Variants in CLVS1 observed in about 807,000 individuals in gnomAD.
CLVS1 encodes clavesin-1.
In CLVS1, 10 loss-of-function variants were observed where a neutral mutation model predicts 33.1. That is an observed-to-expected ratio of 0.30 (90% CI 0.19 to 0.51). CLVS1 has a LOEUF of 0.51. Among genes scored for constraint, CLVS1 ranks in the 20% least tolerant of loss-of-function variants. The probability of loss-of-function intolerance (pLI) is 0.97; values close to 1 mark genes in which losing one functional copy is unlikely to be tolerated. For missense variants in CLVS1, 343 were observed against 433.4 expected, an observed-to-expected ratio of 0.79 and a Z score of 1.85; for synonymous variants, 163 against 166.1, an observed-to-expected ratio of 0.98 and a Z score of 0.14.
chr8:60,971,766 C>T, the CLVS1 span, among the ~76,000 whole-genome samples: 1 of 152,108 alleles, frequency 6.6e-6, no homozygotes, highest in African/African-American at 2.4e-5. Context: ...AGGGTAATAC[C>T]TTGGCTGCCA....
intron 2 of CLVS1, among the ~76,000 whole-genome samples, chr8:61,311,963 A>G (rs149588707): frequency 2.0e-5 from 3 of 152,344 alleles, no homozygotes; most frequent in East Asian, 1.9e-4. Context: ...TAAAAACACA[A>G]TGTTGCCTGT....
chr8:61,014,762 CA>C, the CLVS1 span, among the ~76,000 whole-genome samples: 1 of 152,200 alleles, frequency 6.6e-6, no homozygotes, highest in South Asian at 2.1e-4. Flanking sequence ...TATTTGATTG[CA>C]AAGGTCACTT....
rs548626195 is a variant in CLVS1, at chr8:61,153,518, C to T, written c.-152+21658C>T. Among the ~76,000 whole-genome samples the T allele has an allele frequency of 2.1e-4, 32 of 152,276 alleles. No homozygotes were observed. In the South Asian group the frequency reaches 6.4e-3, roughly 31 times the overall value. On this transcript the variant is annotated intron_variant, in intron 2 of 2. Coordinates refer to the CLVS1 transcript ENST00000522621. The stretch of plus-strand genomic sequence containing the variant: ...GGTGTGAAGAAAATAAGAAGTGCTG[C>T]TTTGTTTTGTTTTTGGCATCTGGCA...
intron 5 of CLVS1, among the ~76,000 whole-genome samples, chr8:61,495,195 ATTCCT>A (rs1003793759): frequency 9.9e-5 from 15 of 152,140 alleles, no homozygotes; most frequent in African/African-American, 3.4e-4. Flanking sequence ...TTTTTTCTTC[ATTCCT>A]TTCCTTTCAT....
At chr8:61,269,194 A>T in intron 2 of CLVS1, among the ~76,000 whole-genome samples, 1 of 151,196 alleles carries the variant, frequency 6.6e-6, no homozygotes, top group African/African-American at 2.4e-5. Flanking sequence ...TGATTTTTGT[A>T]TAAGGTGTAA....
chr8:61,244,693 T>C (rs1045788187), intron 2 of CLVS1, among the ~76,000 whole-genome samples: 1 of 152,216 alleles, frequency 6.6e-6, no homozygotes, highest in African/African-American at 2.4e-5. Context: ...GCCACATGAA[T>C]GCAAGACATT....
At chr8:61,396,589 T>C (rs936924275) in intron 3 of CLVS1, among the ~76,000 whole-genome samples, 1 of 152,210 alleles carries the variant, frequency 6.6e-6, no homozygotes, top group Non-Finnish European at 1.5e-5. Flanking sequence ...TTAGTGCTTT[T>C]TGGTATATTC....
chr8:61,033,545 CT>C, the CLVS1 span, among the ~76,000 whole-genome samples: 57 of 152,350 alleles, frequency 3.7e-4, no homozygotes, highest in African/African-American at 1.3e-3. Flanking sequence ...ACCTGTCTCC[CT>C]CAGTCAGGGG....
chr8:61,429,281 G>A lies in CLVS1; in HGVS notation c.631-24860G>A, dbSNP rs137955313. On this transcript the variant is annotated intron_variant, in intron 3 of 5. Transcript: ENST00000325897. ...CTAAAAATACAAAAATTAGCTGGGC[G>A]TGGTTGCTCATGCCTGTAATCTCAG... Among the ~76,000 whole-genome samples, 1,422 of 152,124 alleles carry A rather than the reference G, an allele frequency of 9.3e-3. 26 individuals carry two copies. The highest frequency in any genetic ancestry group is 0.032 in the African/African-American group (1,347 of 41,478).
the CLVS1 span, among the ~76,000 whole-genome samples, chr8:61,020,337 G>C: frequency 6.6e-6 from 1 of 152,192 alleles, no homozygotes; most frequent in Non-Finnish European, 1.5e-5. Context: ...ATTGGAGAGA[G>C]AGACAATTCT....
chr8:61,108,141 C>A (rs1805569973), intron 1 of CLVS1, among the ~76,000 whole-genome samples: 1 of 149,450 alleles, frequency 6.7e-6, no homozygotes. Flanking sequence ...CGTGGTGGTG[C>A]ATGCCTGTAG....
At chr8:61,241,946 T>G (rs1808705437) in intron 2 of CLVS1, among the ~76,000 whole-genome samples, 1 of 152,176 alleles carries the variant, frequency 6.6e-6, no homozygotes, top group Non-Finnish European at 1.5e-5. Context: ...GTTGTTTCAT[T>G]TCTCCAGTGC....
chr8:61,104,309 A>G (rs1805498389), intron 1 of CLVS1, among the ~76,000 whole-genome samples: 1 of 152,218 alleles, frequency 6.6e-6, no homozygotes, highest in Non-Finnish European at 1.5e-5. Context: ...AAAGACCTTG[A>G]GCTGAAATGA....
At chr8:61,010,600 C>A in the CLVS1 span, among the ~76,000 whole-genome samples, 1 of 152,208 alleles carries the variant, frequency 6.6e-6, no homozygotes, top group East Asian at 1.9e-4. Flanking sequence ...AAAGAGTGGG[C>A]CAGATTATGT....
chr8:61,349,274 TA>T (rs1812352337), intron 2 of CLVS1, among the ~76,000 whole-genome samples: 1 of 152,062 alleles, frequency 6.6e-6, no homozygotes, highest in East Asian at 1.9e-4. Flanking sequence ...GGAATTTCAT[TA>T]AAAAAATTAT....
rs369122071 is a variant in CLVS1, at chr8:61,215,750, C to A, written c.-152+83890C>A. ...TGTGTTTTCTGTGTGCCATTTTATTCATCCATGTAAAGGTTTCAAAGTCAC... is the reference window on the plus strand; with the variant it reads ...TGTGTTTTCTGTGTGCCATTTTATTAATCCATGTAAAGGTTTCAAAGTCAC... On this transcript the variant is annotated intron_variant, in intron 2 of 2. Transcript: ENST00000522621. 2.1e-5 allele frequency among the ~76,000 whole-genome samples: 3 copies of A among 145,050 alleles called. No homozygotes were observed. The East Asian group carries it at 5.9e-4, about 29-fold the overall frequency.
chr8:61,323,705 A>G (rs931328931), intron 2 of CLVS1, among the ~76,000 whole-genome samples: 3 of 151,926 alleles, frequency 2.0e-5, no homozygotes, highest in Non-Finnish European at 4.4e-5. Context: ...GCTTTGTTAC[A>G]TAGGTAAACT....
At chr8:61,419,576 A>G (rs182532661) in intron 3 of CLVS1, among the ~76,000 whole-genome samples, 1 of 152,262 alleles carries the variant, frequency 6.6e-6, no homozygotes, top group Admixed American at 6.5e-5. Flanking sequence ...TCACCAGCCA[A>G]GGGAACTCCA....
At chr8:61,428,661 A>G (rs570155738) in intron 3 of CLVS1, among the ~76,000 whole-genome samples, 1 of 152,348 alleles carries the variant, frequency 6.6e-6, no homozygotes, top group Non-Finnish European at 1.5e-5. Context: ...TGATGATGTT[A>G]TCCTGCAGAG....
Sources: gnomAD v4.1 joint callset for allele counts (sites outside exome capture counted in the v4.1 genomes callset) on GRCh38, gnomAD v4.1.1 for gene constraint, MANE v1.5 for transcripts, NCBI Gene and HGNC (gene_info 2026-07-23, HGNC 2026-07-21) for gene names.